PITPNB: variants seen among roughly 807,000 people sequenced by gnomAD.
PITPNB encodes phosphatidylinositol transfer protein beta isoform.
In PITPNB, 16 loss-of-function variants were observed where a neutral mutation model predicts 45.9. That is an observed-to-expected ratio of 0.35 (90% CI 0.24 to 0.53). The LOEUF (loss-of-function observed/expected upper bound fraction) is 0.53, where lower values mean the gene tolerates loss of function less well. Ranked by LOEUF, PITPNB falls within the 20% of genes least tolerant of loss-of-function variation. The pLI is 0.93. For missense variants in PITPNB, 188 were observed against 330.5 expected, an observed-to-expected ratio of 0.57 and a Z score of 3.34; for synonymous variants, 112 against 108.9, an observed-to-expected ratio of 1.03 and a Z score of -0.18.
chr22:27,913,015 G>C (rs967852468), intron 2 of PITPNB, among the ~76,000 whole-genome samples: 1 of 150,134 alleles, frequency 6.7e-6, no homozygotes, highest in Non-Finnish European at 1.5e-5. Flanking sequence ...GTGGGGGGGG[G>C]AGTATAACAA....
chr22:27,859,415 G>A (rs1934255607), intron 9 of PITPNB, among the ~76,000 whole-genome samples: 1 of 152,128 alleles, frequency 6.6e-6, no homozygotes, highest in Non-Finnish European at 1.5e-5. Context: ...GGAGATCTGA[G>A]ATATAATGAG....
intron 1 of PITPNB, among the ~76,000 whole-genome samples, chr22:27,916,604 C>A (rs1936082833): frequency 6.6e-6 from 1 of 152,102 alleles, no homozygotes; most frequent in Non-Finnish European, 1.5e-5. Context: ...AGTTCCAGAC[C>A]AGCCTGGCCA....
chr22:27,889,541 ACT>A (rs1188323410), intron 7 of PITPNB, among the ~76,000 whole-genome samples: 3 of 151,912 alleles, frequency 2.0e-5, no homozygotes, highest in African/African-American at 4.8e-5. Context: ...ACTCATCAAA[ACT>A]CTACACATCC....
At chr22:27,919,125 C>T (rs938615864) in intron 1 of PITPNB, 47 bp downstream of exon 1, 3 of 1,613,906 alleles carry the variant, frequency 1.9e-6, no homozygotes, top group East Asian at 2.2e-5. Flanking sequence ...ACAAATCTCC[C>T]ATCACTGCCG....
rs1487130518 is a variant in PITPNB at position 27,852,721 on chromosome 22, T to C, written c.*981A>G. The C allele has an allele frequency of 6.6e-6, 1 of 152,626 alleles. No homozygotes were observed. Among genetic ancestry groups the C allele is most frequent in the Non-Finnish European group, 1.5e-5 (1 of 68,044 alleles). The allele number at this position is 152,626 out of a possible 1,614,324, so 9.5% of individuals were successfully genotyped here. On this transcript the variant is annotated 3_prime_UTR_variant, in exon 12 of 12. Transcript: ENST00000335272. ...GACCATTTGCATAGTTTCCAAGCTGTAGTTACAGAAAACTGTCATCTTCAA... is the reference window on the plus strand; with the variant it reads ...GACCATTTGCATAGTTTCCAAGCTGCAGTTACAGAAAACTGTCATCTTCAA...
chr22:27,899,565 C>T (rs933769347), intron 3 of PITPNB, among the ~76,000 whole-genome samples: 3 of 152,104 alleles, frequency 2.0e-5, no homozygotes, highest in East Asian at 1.9e-4. Context: ...CCTCGTGATC[C>T]GCCCGCCTTG....
chr22:27,882,774 G>A (rs1935009326), intron 7 of PITPNB, among the ~76,000 whole-genome samples: 1 of 152,122 alleles, frequency 6.6e-6, no homozygotes, highest in African/African-American at 2.4e-5. Flanking sequence ...TCTGGTGAAG[G>A]AGCACTCACA....
intron 7 of PITPNB, among the ~76,000 whole-genome samples, chr22:27,890,640 C>T (rs1356725488): frequency 2.6e-5 from 4 of 152,148 alleles, no homozygotes; most frequent in African/African-American, 9.7e-5. Context: ...TGGCGAAACC[C>T]TGTCTCTACT....
At chr22:27,857,661 G>A (rs1247928976) in intron 10 of PITPNB, among the ~76,000 whole-genome samples, 1 of 152,182 alleles carries the variant, frequency 6.6e-6, no homozygotes, top group Non-Finnish European at 1.5e-5. Flanking sequence ...TTCACCCATG[G>A]GGCCTTACTG....
At chr22:27,919,121 C>T in intron 1 of PITPNB, 51 bp downstream of exon 1, 1 of 1,613,826 alleles carries the variant, frequency 6.2e-7, no homozygotes, top group Non-Finnish European at 8.5e-7. Flanking sequence ...ATCAACAAAT[C>T]TCCCATCACT....
At chr22:27,872,653 C>A (rs1246291919) in intron 8 of PITPNB, among the ~76,000 whole-genome samples, 1 of 144,016 alleles carries the variant, frequency 6.9e-6, no homozygotes, top group South Asian at 2.5e-4. Flanking sequence ...GGGGCTGTAA[C>A]AGTAATCCTC....
At chr22:27,891,452 T>C (rs1031443575) in intron 7 of PITPNB, among the ~76,000 whole-genome samples, 3 of 152,188 alleles carry the variant, frequency 2.0e-5, no homozygotes, top group Non-Finnish European at 4.4e-5. Context: ...ATAATGATAA[T>C]TACAGCTAGC....
chr22:27,909,912 T>C (rs1049180797), intron 3 of PITPNB, among the ~76,000 whole-genome samples: 1 of 151,646 alleles, frequency 6.6e-6, no homozygotes, highest in Non-Finnish European at 1.5e-5. Context: ...CCCAAGTAGC[T>C]GGGACCATAA....
chr22:27,873,266 TCAAAAACAAAA>T (rs1046645708), intron 8 of PITPNB, among the ~76,000 whole-genome samples: 35 of 152,146 alleles, frequency 2.3e-4, no homozygotes, highest in African/African-American at 7.7e-4. Context: ...AAACTCTGTC[TCAAAAACAAAA>T]CAAAAACAAA....
intron 9 of PITPNB, 95 bp from the exon 10 acceptor site, chr22:27,858,604 T>C: frequency 1.1e-6 from 1 of 927,212 alleles, no homozygotes; most frequent in South Asian, 1.8e-5. Context: ...CCATGAAATT[T>C]ACACATTTGG....
intron 7 of PITPNB, among the ~76,000 whole-genome samples, chr22:27,874,386 T>C (rs964684790): frequency 5.3e-5 from 8 of 152,284 alleles, no homozygotes; most frequent in Admixed American, 3.3e-4. Context: ...ATGGCTTGTC[T>C]TCCTCATAGA....
At chr22:27,870,586 G>T (rs1046967564) in intron 8 of PITPNB, among the ~76,000 whole-genome samples, 41 of 152,280 alleles carry the variant, frequency 2.7e-4, no homozygotes, top group African/African-American at 9.9e-4. Flanking sequence ...TCCACAATAA[G>T]ATTTCTTCTT....
At chr22:27,872,784 A>T (rs1272456668) in intron 8 of PITPNB, among the ~76,000 whole-genome samples, 1 of 152,228 alleles carries the variant, frequency 6.6e-6, no homozygotes, top group Non-Finnish European at 1.5e-5. Context: ...GGGCATGTTT[A>T]AGTTTTTATG....
At chr22:27,859,489 T>C (rs947239510) in intron 9 of PITPNB, among the ~76,000 whole-genome samples, 32 of 152,124 alleles carry the variant, frequency 2.1e-4, no homozygotes, top group African/African-American at 7.0e-4. Context: ...ACCAAGGAAA[T>C]GTTTCAACAT....
Sources: allele counts gnomAD v4.1 joint callset (sites outside exome capture counted in the v4.1 genomes callset), GRCh38; gene constraint gnomAD v4.1.1; transcripts MANE v1.5; gene names NCBI Gene and HGNC (gene_info 2026-07-23, HGNC 2026-07-21).